The following RORA variants were observed in gnomAD, a reference collection of about 807,000 sequenced individuals.
RORA encodes nuclear receptor ROR-alpha.
A neutral mutation model predicts 69.5 loss-of-function variants in RORA; 7 were observed. The observed-to-expected ratio is 0.10, with a 90% confidence interval of 0.06 to 0.19. The LOEUF is 0.19. Among genes scored for constraint, RORA ranks in the 10% least tolerant of loss-of-function variants. The pLI, the probability that RORA is intolerant of heterozygous loss-of-function variation, is 1.00. For synonymous variants in RORA, 261 were observed against 240.8 expected, an observed-to-expected ratio of 1.08 and a Z score of -0.78; for missense variants, 457 against 663.0, an observed-to-expected ratio of 0.69 and a Z score of 3.41.
intron 1 of RORA, among the ~76,000 whole-genome samples, chr15:60,907,364 T>C (rs1403152521): frequency 1.3e-5 from 2 of 152,048 alleles, no homozygotes; most frequent in African/African-American, 4.8e-5. Context: ...CAAAAGTCAG[T>C]GGAAAGAGCA....
rs141022889 is a variant in RORA, at chr15:60,897,451, C to T, written c.167-218765G>A. 1.1e-4 allele frequency among the ~76,000 whole-genome samples: 16 copies of T among 152,222 alleles called. No homozygotes were observed. The East Asian group carries it at 2.5e-3, about 24-fold the overall frequency. ...CTGTAGAGGAAGAGGGGTGTAAATACGAGGTAAATATGTAAAGAAAAGCAT... is the reference window on the plus strand; with the variant it reads ...CTGTAGAGGAAGAGGGGTGTAAATATGAGGTAAATATGTAAAGAAAAGCAT... On this transcript the variant is annotated intron_variant, in intron 1 of 10. Transcript: ENST00000335670.
intron 1 of RORA, among the ~76,000 whole-genome samples, chr15:60,829,457 A>G (rs1450630710): frequency 2.0e-5 from 3 of 152,138 alleles, no homozygotes; most frequent in Non-Finnish European, 2.9e-5. Context: ...CTGCCAAAAA[A>G]TAGTTGTCTG....
At chr15:60,904,483 G>A (rs757407774) in intron 1 of RORA, among the ~76,000 whole-genome samples, 9 of 152,166 alleles carry the variant, frequency 5.9e-5, no homozygotes, top group African/African-American at 9.7e-5. Flanking sequence ...GAGAGAATCT[G>A]GCAGGGCCAA....
chr15:60,652,828 C>A (rs2070164396), intron 2 of RORA, among the ~76,000 whole-genome samples: 1 of 152,178 alleles, frequency 6.6e-6, no homozygotes, highest in East Asian at 1.9e-4. Flanking sequence ...CAAATAGGTC[C>A]ATTTTTAGAA....
chr15:60,697,309 A>G (rs2070919254), intron 1 of RORA, among the ~76,000 whole-genome samples: 1 of 152,250 alleles, frequency 6.6e-6, no homozygotes, highest in Admixed American at 6.5e-5. Flanking sequence ...CATCTAGAGC[A>G]AAGAGCTACA....
chr15:60,698,099 A>G (rs1184886445), intron 1 of RORA, among the ~76,000 whole-genome samples: 1 of 152,176 alleles, frequency 6.6e-6, no homozygotes, highest in Non-Finnish European at 1.5e-5. Flanking sequence ...TATTGTAGAC[A>G]TTGTATCAAG....
chr15:60,569,204 C>T (rs978996044), intron 2 of RORA, among the ~76,000 whole-genome samples: 2 of 150,112 alleles, frequency 1.3e-5, no homozygotes, highest in African/African-American at 4.9e-5. Flanking sequence ...ACTGCTTGAA[C>T]CTAAGAGTTC....
At chr15:60,986,958 T>G (rs1385376747) in intron 1 of RORA, among the ~76,000 whole-genome samples, 1 of 152,152 alleles carries the variant, frequency 6.6e-6, no homozygotes, top group Admixed American at 6.5e-5. Context: ...TTTCATATGT[T>G]TGTTTGTTCA....
chr15:60,864,519 C>T (rs1267095523), intron 1 of RORA, among the ~76,000 whole-genome samples: 1 of 149,732 alleles, frequency 6.7e-6, no homozygotes, highest in African/African-American at 2.5e-5. Context: ...GCTAAATTGT[C>T]CTGGGACACT....
At chr15:61,126,286 A>G (rs1174663159) in intron 1 of RORA, among the ~76,000 whole-genome samples, 1 of 152,234 alleles carries the variant, frequency 6.6e-6, no homozygotes, top group East Asian at 1.9e-4. Context: ...ACAACCTGAT[A>G]TTTTGATATA....
At chr15:60,592,208 G>GT (rs1236456323) in intron 2 of RORA, among the ~76,000 whole-genome samples, 1 of 151,742 alleles carries the variant, frequency 6.6e-6, no homozygotes, top group Non-Finnish European at 1.5e-5. Flanking sequence ...GGCCGATCCC[G>GT]TGGCCGGGCT....
intron 1 of RORA, among the ~76,000 whole-genome samples, chr15:61,146,705 T>C (rs976923321): frequency 6.6e-6 from 1 of 152,106 alleles, no homozygotes; most frequent in Non-Finnish European, 1.5e-5. Flanking sequence ...AAAATGAAAA[T>C]ACACACCAAA....
chr15:60,971,966 T>C (rs150944220), intron 1 of RORA, among the ~76,000 whole-genome samples: 1 of 152,268 alleles, frequency 6.6e-6, no homozygotes, highest in African/African-American at 2.4e-5. Context: ...CCTCCAGGCC[T>C]AAGGAGAGAA....
At chr15:60,784,215 G>A (rs901441706) in intron 1 of RORA, among the ~76,000 whole-genome samples, 2 of 152,136 alleles carry the variant, frequency 1.3e-5, no homozygotes, top group African/African-American at 2.4e-5. Flanking sequence ...GGGGAAAGAT[G>A]ACAAAAAATA....
intron 1 of RORA, among the ~76,000 whole-genome samples, chr15:60,818,434 G>A (rs1326850843): frequency 6.6e-6 from 1 of 152,148 alleles, no homozygotes; most frequent in African/African-American, 2.4e-5. Flanking sequence ...ACATTTAACA[G>A]AGGAAGACAA....
At chr15:60,910,990 G>A (rs1243299325) in intron 1 of RORA, among the ~76,000 whole-genome samples, 1 of 141,212 alleles carries the variant, frequency 7.1e-6, no homozygotes, top group Non-Finnish European at 1.5e-5. Flanking sequence ...TGCAACCTCC[G>A]CCTTCCAGGT....
At chr15:60,539,063 A>C (rs2066775405) in intron 2 of RORA, among the ~76,000 whole-genome samples, 1 of 151,776 alleles carries the variant, frequency 6.6e-6, no homozygotes, top group African/African-American at 2.4e-5. Context: ...TTTGTGAACT[A>C]AATTTAAAAT....
intron 1 of RORA, among the ~76,000 whole-genome samples, chr15:60,936,545 C>T (rs192647157): frequency 4.3e-4 from 66 of 152,330 alleles, no homozygotes; most frequent in Middle Eastern, 3.4e-3. Flanking sequence ...GGCATCCTCT[C>T]CATCACCGTC....
At chr15:60,872,223 A>G (rs983325025) in intron 1 of RORA, among the ~76,000 whole-genome samples, 3 of 152,156 alleles carry the variant, frequency 2.0e-5, no homozygotes, top group African/African-American at 7.2e-5. Flanking sequence ...TATAGAATGA[A>G]TACCTACATC....
Sources: gnomAD v4.1 joint callset for allele counts (sites outside exome capture counted in the v4.1 genomes callset) on GRCh38, gnomAD v4.1.1 for gene constraint, MANE v1.5 for transcripts, NCBI Gene and HGNC (gene_info 2026-07-23, HGNC 2026-07-21) for gene names.